The following TRDN variants were observed in gnomAD, a reference collection of about 807,000 sequenced individuals.
TRDN encodes the protein triadin.
A neutral mutation model predicts 149.7 loss-of-function variants in TRDN; 161 were observed. The ratio of observed to expected loss-of-function variants is 1.08; its 90% CI spans 0.95 to 1.23. The LOEUF is 1.23. TRDN is among the 50% of genes most tolerant of loss of function. The pLI, the probability that TRDN is intolerant of heterozygous loss-of-function variation, is 0.00. For missense variants in TRDN, 896 were observed against 823.5 expected, an observed-to-expected ratio of 1.09 and a Z score of -1.08; for synonymous variants, 294 against 250.5, an observed-to-expected ratio of 1.17 and a Z score of -1.64.
chr6:123,396,343 T>A (rs1772733345), intron 12 of TRDN, among the ~76,000 whole-genome samples: 1 of 152,248 alleles, frequency 6.6e-6, no homozygotes, highest in Non-Finnish European at 1.5e-5. Flanking sequence ...GTATTTCATC[T>A]GTACTGCCTC....
intron 7 of TRDN, among the ~76,000 whole-genome samples, chr6:123,504,569 T>TTCTACTAG (rs962179583): frequency 6.6e-6 from 1 of 152,114 alleles, no homozygotes; most frequent in African/African-American, 2.4e-5. Context: ...TCAGCGATAA[T>TTCTACTAG]TCTACTAGTT....
chr6:123,431,481 A>G (rs531252183), intron 12 of TRDN, among the ~76,000 whole-genome samples: 1 of 152,286 alleles, frequency 6.6e-6, no homozygotes, highest in East Asian at 1.9e-4. Context: ...AACAATACCA[A>G]TTGGATGCAT....
At chr6:123,340,758 A>G (rs1780037115) in intron 21 of TRDN, among the ~76,000 whole-genome samples, 1 of 151,956 alleles carries the variant, frequency 6.6e-6, no homozygotes, top group Admixed American at 6.6e-5. Flanking sequence ...AATAATTGTA[A>G]AGAACCACCT....
chr6:123,464,880 T>A (rs766253796), intron 10 of TRDN, 26 bp downstream of exon 10: 1 of 1,557,346 alleles, frequency 6.4e-7, no homozygotes, highest in Non-Finnish European at 8.7e-7. Context: ...ACAATAGAGA[T>A]CTTTAAGAAA....
chr6:123,520,158 T>C (rs1255806691), intron 5 of TRDN, among the ~76,000 whole-genome samples: 1 of 152,146 alleles, frequency 6.6e-6, no homozygotes, highest in Non-Finnish European at 1.5e-5. Flanking sequence ...CAAGATGATC[T>C]CTATGCTTTT....
intron 38 of TRDN, among the ~76,000 whole-genome samples, chr6:123,236,490 G>A (rs1305203066): frequency 6.6e-6 from 1 of 151,988 alleles, no homozygotes. Flanking sequence ...TTTACAAATA[G>A]TCCTTTTGGT....
intron 1 of TRDN, among the ~76,000 whole-genome samples, chr6:123,578,160 A>T (rs908382102): frequency 8.6e-5 from 13 of 151,766 alleles, no homozygotes; most frequent in African/African-American, 2.9e-4. Context: ...GTCAATTTTT[A>T]CCTTTGTTGC....
intron 12 of TRDN, among the ~76,000 whole-genome samples, chr6:123,406,636 A>T (rs1773202545): frequency 6.6e-6 from 1 of 152,044 alleles, no homozygotes; most frequent in African/African-American, 2.4e-5. Flanking sequence ...TTTTGCTGTG[A>T]CTCATTGTGA....
chr6:123,499,095 CT>C (rs879621674), intron 8 of TRDN, among the ~76,000 whole-genome samples: 1 of 152,050 alleles, frequency 6.6e-6, no homozygotes, highest in African/African-American at 2.4e-5. Context: ...CCTTTCATTC[CT>C]TTTTCCCAAA....
intron 5 of TRDN, among the ~76,000 whole-genome samples, chr6:123,524,210 C>A (rs928811768): frequency 2.0e-5 from 3 of 152,072 alleles, no homozygotes; most frequent in Non-Finnish European, 4.4e-5. Flanking sequence ...GTCATTAGGA[C>A]AAAGAATACA....
intron 22 of TRDN, among the ~76,000 whole-genome samples, chr6:123,333,930 T>G (rs1217768712): frequency 6.6e-6 from 1 of 152,034 alleles, no homozygotes. Context: ...GGATATAAAG[T>G]GGAACTCTGT....
At chr6:123,382,420 C>A (rs1257418121) in intron 14 of TRDN, among the ~76,000 whole-genome samples, 1 of 151,166 alleles carries the variant, frequency 6.6e-6, no homozygotes, top group Non-Finnish European at 1.5e-5. Flanking sequence ...GGAAAATATA[C>A]CCACATATAA....
chr6:123,609,344 TAGTC>T (rs1432836186), intron 1 of TRDN, among the ~76,000 whole-genome samples: 1 of 152,122 alleles, frequency 6.6e-6, no homozygotes, highest in Non-Finnish European at 1.5e-5. Flanking sequence ...CATAAAACAT[TAGTC>T]AGCATAACCC....
intron 9 of TRDN, among the ~76,000 whole-genome samples, chr6:123,465,895 T>C (rs1776773986): frequency 6.6e-6 from 1 of 152,252 alleles, no homozygotes; most frequent in East Asian, 1.9e-4. Flanking sequence ...TTACTGAAAG[T>C]TTTCCTTTTT....
chr6:123,536,687 CAATAAATAAATAAATAAATAAATA>C (rs143950900), intron 4 of TRDN, among the ~76,000 whole-genome samples: 1 of 129,854 alleles, frequency 7.7e-6, no homozygotes. Flanking sequence ...TCCATCTCTA[CAATAAATAAATAAATAAATAAATA>C]AATAAATAAA....
chr6:123,265,060 A>G (rs1776892427), intron 33 of TRDN, among the ~76,000 whole-genome samples: 1 of 151,996 alleles, frequency 6.6e-6, no homozygotes, highest in Admixed American at 6.6e-5. Context: ...TTTTTGAATC[A>G]CTAAACATCT....
chr6:123,460,015 T>G (rs918681161), intron 10 of TRDN, among the ~76,000 whole-genome samples: 1 of 152,186 alleles, frequency 6.6e-6, no homozygotes, highest in Non-Finnish European at 1.5e-5. Context: ...TGGGCAGTAT[T>G]CTCCTAAATT....
At chr6:123,407,639 A>G (rs541003969) in intron 12 of TRDN, among the ~76,000 whole-genome samples, 6 of 152,198 alleles carry the variant, frequency 3.9e-5, no homozygotes, top group Admixed American at 1.3e-4. Flanking sequence ...ACTATGGACA[A>G]TACATACTCT....
intron 38 of TRDN, among the ~76,000 whole-genome samples, chr6:123,232,148 G>A (rs528079684): frequency 1.3e-5 from 2 of 151,974 alleles, no homozygotes; most frequent in Admixed American, 1.3e-4. Flanking sequence ...GAGAGCTGAG[G>A]TTGGAAGAAT....
Sources: gnomAD v4.1 joint callset for allele counts (sites outside exome capture counted in the v4.1 genomes callset) on GRCh38, gnomAD v4.1.1 for gene constraint, MANE v1.5 for transcripts, NCBI Gene and HGNC (gene_info 2026-07-23, HGNC 2026-07-21) for gene names.